Variants in POLN observed in about 807,000 individuals in gnomAD.
POLN encodes DNA polymerase nu, also known as DNA polymerase N.
POLN carries 108 observed loss-of-function variants against 113.5 expected under a neutral mutation model. That is an observed-to-expected ratio of 0.95 (90% CI 0.81 to 1.12). The LOEUF is 1.12. Ranked by LOEUF, POLN falls within the 50% of genes most tolerant of loss-of-function variation. The probability of loss-of-function intolerance (pLI) is 0.00; values close to 1 mark genes in which losing one functional copy is unlikely to be tolerated. For missense variants in POLN, 1,097 were observed against 1,077.1 expected, an observed-to-expected ratio of 1.02 and a Z score of -0.26; for synonymous variants, 386 against 391.5, an observed-to-expected ratio of 0.99 and a Z score of 0.17.
At chr4:2,158,583 C>A (rs1732497388) in intron 14 of POLN, among the ~76,000 whole-genome samples, 1 of 152,182 alleles carries the variant, frequency 6.6e-6, no homozygotes, top group Admixed American at 6.5e-5. Flanking sequence ...GCCAGGCCCT[C>A]AGGATACAGC....
intron 19 of POLN, among the ~76,000 whole-genome samples, chr4:2,104,585 C>T (rs959540443): frequency 1.3e-5 from 2 of 152,210 alleles, no homozygotes; most frequent in African/African-American, 4.8e-5. Flanking sequence ...AAACCTCCCC[C>T]AGTAAACACA....
chr4:2,181,845 A>G (rs1201668819), intron 7 of POLN, among the ~76,000 whole-genome samples: 1 of 151,964 alleles, frequency 6.6e-6, no homozygotes, highest in African/African-American at 2.4e-5. Flanking sequence ...CTAAAAATAC[A>G]AAAAATTAGC....
At chr4:2,134,917 T>C (rs952221034) in intron 16 of POLN, among the ~76,000 whole-genome samples, 1 of 152,188 alleles carries the variant, frequency 6.6e-6, no homozygotes, top group African/African-American at 2.4e-5. Flanking sequence ...TGAATACACA[T>C]AACGTACAAA....
At chr4:2,090,046 T>G in intron 20 of POLN, 1 of 892,186 alleles carries the variant, frequency 1.1e-6, no homozygotes, top group Non-Finnish European at 1.8e-6. Flanking sequence ...AACTGAAGAA[T>G]TATGAGATAA....
In POLN at chr4:2,091,674, G is replaced by A. The variant is rs75054899; in HGVS notation, c.2065+4177C>T. On this transcript the variant is annotated intron_variant, in intron 20 of 25. Coordinates refer to ENST00000511885, the MANE Select transcript of POLN (RefSeq NM_181808.4). Reference sequence around the variant, plus strand: ...GAGATCTGCATGCTGGGGACACTAAGTACTCCATACCTCTGAAATCCTACA... The same window carrying A: ...GAGATCTGCATGCTGGGGACACTAAATACTCCATACCTCTGAAATCCTACA... Among the ~76,000 whole-genome samples the A allele has an allele frequency of 3.1e-3, 464 of 152,010 alleles. 4 individuals are homozygous for A. The highest frequency in any genetic ancestry group is 0.011 in the African/African-American group (444 of 41,444).
chr4:2,109,373 A>G (rs1286834497), intron 19 of POLN, among the ~76,000 whole-genome samples: 1 of 152,210 alleles, frequency 6.6e-6, no homozygotes, highest in East Asian at 1.9e-4. Context: ...TTGTATCCTA[A>G]AAGAGCAATA....
At chr4:2,133,956 C>CAAA (rs1357631207) in intron 16 of POLN, among the ~76,000 whole-genome samples, 2 of 152,196 alleles carry the variant, frequency 1.3e-5, no homozygotes, top group African/African-American at 4.8e-5. Context: ...TAGTATCATA[C>CAAA]AAAATAGTTT....
At chr4:2,211,265 TAATAATAATA>T (rs1733987135) in intron 4 of POLN, among the ~76,000 whole-genome samples, 1 of 142,754 alleles carries the variant, frequency 7.0e-6, no homozygotes, top group South Asian at 2.1e-4. Context: ...ATAATAATAA[TAATAATAATA>T]ATAATAATAA....
intron 17 of POLN, among the ~76,000 whole-genome samples, chr4:2,130,346 T>C (rs1239887829): frequency 2.0e-5 from 3 of 151,620 alleles, no homozygotes; most frequent in East Asian, 1.9e-4. Flanking sequence ...AGACTGCTCA[T>C]TGGGCTTCAT....
chr4:2,135,085 T>A (rs1050742892), intron 16 of POLN, among the ~76,000 whole-genome samples: 1 of 152,186 alleles, frequency 6.6e-6, no homozygotes, highest in Non-Finnish European at 1.5e-5. Context: ...CTGGGAGTTA[T>A]TGTCTGTCAT....
intron 19 of POLN, among the ~76,000 whole-genome samples, chr4:2,124,907 G>A (rs781431372): frequency 1.3e-5 from 2 of 152,158 alleles, no homozygotes; most frequent in Non-Finnish European, 2.9e-5. Flanking sequence ...TAAAATGAAA[G>A]TTTGTTTTAA....
At chr4:2,228,967 C>T (rs968630143) in intron 3 of POLN, 132 bp downstream of exon 3, 6 of 812,796 alleles carry the variant, frequency 7.4e-6, no homozygotes, top group Admixed American at 2.8e-5. Flanking sequence ...GCTCAGTCTG[C>T]ACTGAATGAG....
At chr4:2,078,435 G>T in intron 23 of POLN, 1 of 402,848 alleles carries the variant, frequency 2.5e-6, no homozygotes, top group Non-Finnish European at 3.4e-6. Context: ...CAGCCCACCT[G>T]GGCAGACCCT....
At chr4:2,118,492 G>A (rs952846526) in intron 19 of POLN, among the ~76,000 whole-genome samples, 4 of 152,322 alleles carry the variant, frequency 2.6e-5, no homozygotes, top group African/African-American at 9.6e-5. Context: ...ATAGCTCAAA[G>A]CACGTTCTAG....
intron 16 of POLN, among the ~76,000 whole-genome samples, chr4:2,152,222 G>T (rs1732313837): frequency 6.6e-6 from 1 of 151,566 alleles, no homozygotes; most frequent in African/African-American, 2.4e-5. Context: ...ATTTTGGGTA[G>T]AGATGAGGTT....
intron 2 of POLN, among the ~76,000 whole-genome samples, chr4:2,237,261 T>A (rs114124408): frequency 0.018 from 2,629 of 146,662 alleles, 83 homozygotes; most frequent in African/African-American, 0.067. Context: ...TGAAGCCCCA[T>A]CTCTACAAAT....
intron 7 of POLN, among the ~76,000 whole-genome samples, chr4:2,184,673 T>G (rs911962486): frequency 6.6e-6 from 1 of 152,216 alleles, no homozygotes; most frequent in African/African-American, 2.4e-5. Context: ...TTTTCACTAA[T>G]GTAACAGGGC....
chr4:2,166,749 A>G (rs962869816), intron 13 of POLN, among the ~76,000 whole-genome samples: 6 of 152,110 alleles, frequency 3.9e-5, no homozygotes, highest in Non-Finnish European at 7.4e-5. Context: ...TAGTACACAC[A>G]CTGGCGACAC....
chr4:2,172,234 A>T (rs1732879357), intron 11 of POLN, among the ~76,000 whole-genome samples: 1 of 152,206 alleles, frequency 6.6e-6, no homozygotes, highest in Admixed American at 6.5e-5. Context: ...AAAAACAAAA[A>T]CAAAAACAAA....
Sources: gnomAD v4.1 joint callset for allele counts (sites outside exome capture counted in the v4.1 genomes callset) on GRCh38, gnomAD v4.1.1 for gene constraint, MANE v1.5 for transcripts, NCBI Gene and HGNC (gene_info 2026-07-23, HGNC 2026-07-21) for gene names.